WDR70: variants seen among roughly 807,000 people sequenced by gnomAD.
WDR70 encodes WD repeat-containing protein 70.
A neutral mutation model predicts 88.6 loss-of-function variants in WDR70; 53 were observed. The observed-to-expected ratio is 0.60, with a 90% confidence interval of 0.48 to 0.75. The LOEUF is 0.75. Ranked by LOEUF, WDR70 falls within the 30% of genes least tolerant of loss-of-function variation. The pLI is 0.00. For missense variants in WDR70, 610 were observed against 823.2 expected (o/e 0.74, Z 3.17); for synonymous variants, 280 against 270.0 (o/e 1.04, Z -0.36).
Position 37,703,078 on chromosome 5 carries a change from C to T in WDR70, c.1407C>T (p.Ile469=). Residue 469 remains isoleucine (I), a synonymous_variant, in exon 13 of 18, where the codon ATC becomes ATT. Coordinates refer to ENST00000265107, the MANE Select transcript of WDR70 (RefSeq NM_018034.4). ...TCCAAAGGGTGTATGAAATAGACAT[C>T]ACAGATGCGGTACGTATATTCTTTT... ...RTFQRVYEID[I]TDASVVRCLW... 3 of 1,610,378 alleles carry T rather than the reference C, an allele frequency of 1.9e-6. No individual in the cohort carries two copies. The highest frequency in any genetic ancestry group is 2.5e-6 in the Non-Finnish European group (3 of 1,176,926).
At position 37,654,893 on chromosome 5, in the gene WDR70, A is replaced by C. The variant is rs148661240; in HGVS notation, c.1093-42762A>C. Among the ~76,000 whole-genome samples, 168 of 152,148 alleles carry C rather than the reference A, an allele frequency of 1.1e-3. 3 individuals are homozygous for C. The East Asian group carries it at 0.028, about 25-fold the overall frequency. On this transcript the variant is annotated intron_variant, in intron 10 of 17. Coordinates refer to ENST00000265107, the MANE Select transcript of WDR70 (RefSeq NM_018034.4). ...TACAGCACACTGATGGGTCTTGACT[A>C]TTTATCCAATTTGCCAGTCTGTGTC...
At chr5:37,437,681 A>G (rs1018227616) in intron 5 of WDR70, among the ~76,000 whole-genome samples, 7 of 152,142 alleles carry the variant, frequency 4.6e-5, no homozygotes, top group Non-Finnish European at 7.4e-5. Flanking sequence ...ATAGAACCTA[A>G]TGAGTTTCTT....
At chr5:37,672,774 T>C (rs1746068407) in intron 10 of WDR70, among the ~76,000 whole-genome samples, 1 of 152,142 alleles carries the variant, frequency 6.6e-6, no homozygotes, top group Non-Finnish European at 1.5e-5. Context: ...AGCGCTGGTC[T>C]CCTGGGCCCA....
intron 15 of WDR70, 135 bp downstream of exon 15, chr5:37,723,069 G>T: frequency 1.0e-6 from 1 of 967,006 alleles, no homozygotes; most frequent in Non-Finnish European, 1.6e-6. Context: ...ATGTGGATAG[G>T]ACTACGAGTC....
intron 9 of WDR70, among the ~76,000 whole-genome samples, chr5:37,563,059 G>T (rs1372016210): frequency 1.2e-5 from 1 of 84,084 alleles, no homozygotes; most frequent in Non-Finnish European, 2.6e-5. Context: ...CGGACGGGGC[G>T]GCTGGCCGGG....
chr5:37,574,843 A>G (rs980625255), intron 9 of WDR70, among the ~76,000 whole-genome samples: 1 of 152,152 alleles, frequency 6.6e-6, no homozygotes, highest in African/African-American at 2.4e-5. Flanking sequence ...TTTACCTTTC[A>G]TGTTAAATCC....
chr5:37,610,434 CA>C (rs899438434), intron 10 of WDR70, among the ~76,000 whole-genome samples: 95 of 146,196 alleles, frequency 6.5e-4, no homozygotes, highest in African/African-American at 1.2e-3. Flanking sequence ...ATGTGCTTTT[CA>C]AAAAAAAAAG....
At chr5:37,502,968 A>C (rs1488849700) in intron 8 of WDR70, among the ~76,000 whole-genome samples, 2 of 152,224 alleles carry the variant, frequency 1.3e-5, no homozygotes, top group Non-Finnish European at 2.9e-5. Context: ...ACAATTCAAC[A>C]GGAGATTTGG....
intron 9 of WDR70, among the ~76,000 whole-genome samples, chr5:37,578,580 A>G (rs1743124680): frequency 6.6e-6 from 1 of 152,178 alleles, no homozygotes; most frequent in Admixed American, 6.5e-5. Context: ...AATCGAAGCA[A>G]ATTTGTGTCA....
chr5:37,521,974 C>T (rs1289693850), intron 9 of WDR70, among the ~76,000 whole-genome samples: 1 of 152,098 alleles, frequency 6.6e-6, no homozygotes, highest in Non-Finnish European at 1.5e-5. Flanking sequence ...GTTTACATTC[C>T]CGCAAACAGT....
intron 9 of WDR70, among the ~76,000 whole-genome samples, chr5:37,568,337 T>G (rs1476383198): frequency 2.0e-5 from 3 of 152,200 alleles, no homozygotes; most frequent in Non-Finnish European, 4.4e-5. Context: ...AAATGCAGGT[T>G]AAAAAATACA....
chr5:37,715,936 A>G (rs1208715649), intron 13 of WDR70, among the ~76,000 whole-genome samples: 1 of 151,976 alleles, frequency 6.6e-6, no homozygotes, highest in Non-Finnish European at 1.5e-5. Context: ...GCACACACAC[A>G]CACCCATTCA....
chr5:37,583,961 T>A (rs1368603671), intron 9 of WDR70, among the ~76,000 whole-genome samples: 1 of 152,232 alleles, frequency 6.6e-6, no homozygotes, highest in Non-Finnish European at 1.5e-5. Flanking sequence ...CCAAAATTGT[T>A]AGGACCTTAC....
At chr5:37,644,631 T>G (rs1394717146) in intron 10 of WDR70, among the ~76,000 whole-genome samples, 1 of 152,024 alleles carries the variant, frequency 6.6e-6, no homozygotes, top group Non-Finnish European at 1.5e-5. Flanking sequence ...GCTGGGAAAC[T>G]TTATTATGGC....
chr5:37,630,458 C>T (rs1315695822), intron 10 of WDR70, among the ~76,000 whole-genome samples: 1 of 152,056 alleles, frequency 6.6e-6, no homozygotes. Flanking sequence ...TTTCTGAATC[C>T]CTGAGTGTGG....
At position 37,546,288 on chromosome 5, in the gene WDR70, T is replaced by A. The variant is rs185399870; in HGVS notation, c.917+29698T>A. On this transcript the variant is annotated intron_variant, in intron 9 of 17. Transcript: ENST00000265107. Reference sequence around the variant, plus strand: ...AATGTCACATTAACCTTGCTGTAAGTTTTATGTAATTTTTACGCAGAATGT... The same window carrying A: ...AATGTCACATTAACCTTGCTGTAAGATTTATGTAATTTTTACGCAGAATGT... Among the ~76,000 whole-genome samples, 1,204 of 152,284 alleles carry A rather than the reference T, an allele frequency of 7.9e-3. 15 individuals are homozygous for A. The highest frequency in any genetic ancestry group is 0.028 in the African/African-American group (1,143 of 41,548).
intron 17 of WDR70, among the ~76,000 whole-genome samples, chr5:37,741,965 A>G (rs1748495553): frequency 6.6e-6 from 1 of 152,212 alleles, no homozygotes; most frequent in Non-Finnish European, 1.5e-5. Flanking sequence ...AGGATGAATA[A>G]TATTCCATTT....
At position 37,677,135 on chromosome 5, in the gene WDR70, A is replaced by G. The variant is rs575337079; in HGVS notation, c.1093-20520A>G. The stretch of plus-strand genomic sequence containing the variant: ...TTGATTCTTCTCTCTTTTCTTCTTT[A>G]TTAGTCTTGCTAGTGGTCTATCAAT... On this transcript the variant is annotated intron_variant, in intron 10 of 17. Coordinates refer to ENST00000265107, the MANE Select transcript of WDR70 (RefSeq NM_018034.4). Among the ~76,000 whole-genome samples the G allele has an allele frequency of 2.8e-3, 421 of 151,160 alleles. 1 individual carries two copies. Among genetic ancestry groups the G allele is most frequent in the Non-Finnish European group, 4.5e-3 (307 of 67,774 alleles).
chr5:37,653,367 T>C (rs764997310), intron 10 of WDR70, among the ~76,000 whole-genome samples: 24 of 152,236 alleles, frequency 1.6e-4, no homozygotes, highest in Non-Finnish European at 3.2e-4. Context: ...GGTTTTTGCT[T>C]TGATGTTCAT....
Sources: allele counts gnomAD v4.1 joint callset (sites outside exome capture counted in the v4.1 genomes callset), GRCh38; gene constraint gnomAD v4.1.1; transcripts MANE v1.5; gene names NCBI Gene and HGNC (gene_info 2026-07-23, HGNC 2026-07-21).